Variants in AGBL5 observed in about 807,000 individuals in gnomAD.
The protein encoded by AGBL5 is cytosolic carboxypeptidase-like protein 5.
Under a neutral mutation model 88.0 loss-of-function variants are expected in AGBL5, and 51 were observed. The ratio of observed to expected loss-of-function variants is 0.58; its 90% confidence interval spans 0.46 to 0.73. The LOEUF (loss-of-function observed/expected upper bound fraction) is 0.73. Ranked by LOEUF, AGBL5 falls within the 30% of genes least tolerant of loss-of-function variation. The pLI, the probability that AGBL5 is intolerant of heterozygous loss-of-function variation, is 0.00. For missense variants in AGBL5, 1,031 were observed against 1,162.2 expected (o/e 0.89, Z 1.64); for synonymous variants, 446 against 438.8 (o/e 1.02, Z -0.21).
intron 14 of AGBL5, 163 bp downstream of exon 14, chr2:27,069,869 T>C: frequency 1.0e-6 from 1 of 985,434 alleles, no homozygotes; most frequent in South Asian, 4.7e-5. Flanking sequence ...TCCCCCACCA[T>C]GGCCAAGTCT....
Position 27,053,852 on chromosome 2 carries a change from G to C in AGBL5, c.388-44G>C. 2 of 1,581,584 alleles carry C rather than the reference G, an allele frequency of 1.3e-6. No homozygotes were observed. Among genetic ancestry groups the C allele is most frequent in the Non-Finnish European group, 1.7e-6 (2 of 1,160,272 alleles). ...GTGGTCCCAGTAGGAGCTCAGTTCT[G>C]ACAATGGCATGTTGCCCCTCCCTCT... is the stretch of plus-strand genomic sequence containing the variant. On this transcript the variant is annotated intron_variant, in intron 3 of 14. Coordinates refer to ENST00000360131, the MANE Select transcript of AGBL5 (RefSeq NM_021831.6). This position sits in a 1 kb window ranked among gnomAD's most constrained non-coding sequence, Gnocchi z 4.9.
chr2:27,062,747 GT>G (rs1483956857), intron 11 of AGBL5: 1 of 152,206 alleles, frequency 6.6e-6, no homozygotes, highest in East Asian at 1.9e-4. Context: ...TGAAAAATAG[GT>G]AAGACATAGT....
intron 11 of AGBL5, chr2:27,061,737 T>C (rs1168724202): frequency 1.3e-5 from 2 of 152,250 alleles, no homozygotes; most frequent in African/African-American, 4.8e-5. Flanking sequence ...ATCAGCATCC[T>C]AAGTTCTCCT....
Position 27,053,117 on chromosome 2 carries a change from A to G in AGBL5, c.159A>G (p.Glu53=), listed in dbSNP as rs1668257250. Reference sequence around the variant, plus strand: ...GCATTGCCTCTTCCCCTGACTATGAATTCAACGTGTGGACCCGACCAGACT... The same window carrying G: ...GCATTGCCTCTTCCCCTGACTATGAGTTCAACGTGTGGACCCGACCAGACT... ...TSGIASSPDY[E]FNVWTRPDCA... Residue 53 remains glutamate, a synonymous_variant, in exon 2 of 15, where the codon GAA becomes GAG. Transcript: ENST00000360131. This position sits in a 1 kb window ranked among gnomAD's most constrained non-coding sequence, Gnocchi z 4.9. 1 of 1,612,798 alleles carries G rather than the reference A, an allele frequency of 6.2e-7. No homozygotes were observed.
At chr2:27,069,103 T>C in intron 13 of AGBL5, 3 of 1,341,088 alleles carry the variant, frequency 2.2e-6, no homozygotes, top group Non-Finnish European at 2.9e-6. Flanking sequence ...AGGTAACACA[T>C]TTGGTTGCTG....
intron 12 of AGBL5, 85 bp downstream of exon 12, chr2:27,067,731 G>A (rs779687542): frequency 5.4e-6 from 8 of 1,487,056 alleles, no homozygotes; most frequent in Non-Finnish European, 6.6e-6. Flanking sequence ...TGGGAGACCA[G>A]GGGCATCACT....
At chr2:27,052,662 T>C (rs952869839) in intron 1 of AGBL5, 14 of 240,202 alleles carry the variant, frequency 5.8e-5, no homozygotes, top group Non-Finnish European at 8.7e-5. Flanking sequence ...CACTGAGTTT[T>C]ATTTGGGAAC....
chr2:27,053,104 C>A lies in AGBL5; in HGVS notation c.146C>A (p.Ser49Tyr). ...ASALTSGIAS[S>Y]PDYEFNVWTR... The stretch of plus-strand genomic sequence containing the variant: ...GCCCTGACCAGTGGCATTGCCTCTT[C>A]CCCTGACTATGAATTCAACGTGTGG... The change falls in exon 2 of 15, where the codon TCC (serine) becomes TAC (tyrosine). Residue 49 changes from serine (S) to tyrosine (Y), a missense_variant. Around this residue, in one of 2 missense-constraint regions of AGBL5, gnomAD observed 540 missense variants for 678.2 expected, o/e 0.80. Transcript: ENST00000360131. The surrounding 1 kb of genome is among the most constrained non-coding windows in gnomAD (Gnocchi z 4.9). The A allele has an allele frequency of 6.2e-7, 1 of 1,612,920 alleles. No individual in the cohort carries two copies. Among genetic ancestry groups the A allele is most frequent in the Non-Finnish European group, 8.5e-7 (1 of 1,179,306 alleles).
chr2:27,055,488 A>G (rs1192957885), intron 6 of AGBL5, 194 bp from the exon 7 acceptor site: 1 of 806,704 alleles, frequency 1.2e-6, no homozygotes, highest in Middle Eastern at 3.7e-4. Context: ...TACCCTGAGG[A>G]AGCTCCTTAG....
chr2:27,059,721 A>G (rs976365447), intron 11 of AGBL5, among the ~76,000 whole-genome samples: 9 of 152,168 alleles, frequency 5.9e-5, no homozygotes, highest in Admixed American at 1.3e-4. Flanking sequence ...CGTCACGGAC[A>G]ATGTCAGTCT....
At position 27,053,654 on chromosome 2, in the gene AGBL5, C is replaced by G. The variant is rs879364906; in HGVS notation, c.387+81C>G. 24 of 1,517,784 alleles carry G rather than the reference C, an allele frequency of 1.6e-5. No homozygotes were observed. Among genetic ancestry groups the G allele is most frequent in the East Asian group, 2.3e-5 (1 of 43,884 alleles). The allele number at this position is 1,517,784 out of a possible 1,614,324, so 94.0% of individuals were successfully genotyped here. On this transcript the variant is annotated intron_variant, in intron 3 of 14. Transcript: ENST00000360131. This position sits in a 1 kb window ranked among gnomAD's most constrained non-coding sequence, Gnocchi z 4.9. Reference sequence around the variant, plus strand: ...GTAAAGCGTTTTTTTTTCCTTGATACAAGTATGAAGCAGGTGGGACAACAG... The same window carrying G: ...GTAAAGCGTTTTTTTTTCCTTGATAGAAGTATGAAGCAGGTGGGACAACAG...
upstream of AGBL5, among the ~76,000 whole-genome samples, chr2:27,050,850 G>A (rs957234107): frequency 6.6e-5 from 10 of 152,210 alleles, no homozygotes; most frequent in African/African-American, 2.4e-4. Flanking sequence ...TAGGTCGCTG[G>A]TTCGATTCCG....
Position 27,067,499 on chromosome 2 carries a change from C to T in AGBL5, c.2095C>T (p.Arg699Ter), listed in dbSNP as rs757496484. 5.0e-6 allele frequency: 8 copies of T among 1,613,768 alleles called. No homozygotes were observed. Among genetic ancestry groups the T allele is most frequent in the East Asian group, 2.2e-5 (1 of 44,868 alleles). The part of the protein sequence containing the change: ...HRVLGPVREP[R>*]SQDRRRQQQP... ...CTTGTATCTCTTCCACTCAGAGCCC[C>T]GAAGCCAGGACAGGAGACGGCAGCA... Residue 699 changes from arginine to a stop codon, truncating the protein, a stop_gained, in exon 12 of 15, where the codon CGA (arginine) becomes TGA (stop). Transcript: ENST00000360131. LOFTEE classifies it high-confidence loss of function.
intron 11 of AGBL5, among the ~76,000 whole-genome samples, chr2:27,065,043 C>T (rs60426882): frequency 1.4e-3 from 217 of 152,194 alleles, no homozygotes; most frequent in African/African-American, 5.0e-3. Flanking sequence ...TGTGAGCCAC[C>T]GTGCCTGACC....
chr2:27,058,384 CTG>C lies in AGBL5; in HGVS notation c.1672-15_1672-14del, dbSNP rs745904138. On this transcript the variant is annotated splice_polypyrimidine_tract_variant and intron_variant, in intron 9 of 14. Transcript: ENST00000360131. ...GGGAGGACCAGCATGCTGAGCCAAA[CTG>C]GACTACCCCACAGGTGGGACGAGCT... 6.2e-7 allele frequency: 1 copy of C among 1,612,550 alleles called. No homozygotes were observed. Among genetic ancestry groups the C allele is most frequent in the Non-Finnish European group, 8.5e-7 (1 of 1,180,016 alleles).
rs1323902728 is a variant in AGBL5, at chr2:27,053,106, C to G, written c.148C>G (p.Pro50Ala). 4 of 1,612,940 alleles carry G rather than the reference C, an allele frequency of 2.5e-6. No individual in the cohort carries two copies. Among genetic ancestry groups the G allele is most frequent in the Non-Finnish European group, 3.4e-6 (4 of 1,179,292 alleles). Residue 50 changes from proline to alanine, a missense_variant, in exon 2 of 15, where the codon CCT becomes GCT. Around this residue, in one of 2 missense-constraint regions of AGBL5, gnomAD observed 540 missense variants for 678.2 expected, o/e 0.80. Transcript: ENST00000360131. The surrounding 1 kb of genome is among the most constrained non-coding windows in gnomAD (Gnocchi z 4.9). The stretch of plus-strand genomic sequence containing the variant: ...CCTGACCAGTGGCATTGCCTCTTCC[C>G]CTGACTATGAATTCAACGTGTGGAC... The part of the protein sequence containing the change: ...SALTSGIASS[P>A]DYEFNVWTRP...
intron 11 of AGBL5, among the ~76,000 whole-genome samples, chr2:27,063,956 G>T (rs1668848180): frequency 6.6e-6 from 1 of 152,210 alleles, no homozygotes; most frequent in Non-Finnish European, 1.5e-5. Context: ...ACTCTTGCTT[G>T]TTCTTTCTCA....
At chr2:27,050,911 C>T (rs1553336032), upstream of AGBL5, 2 of 152,172 alleles carry the variant, frequency 1.3e-5, no homozygotes, top group Admixed American at 1.3e-4. Flanking sequence ...TTCAATTATC[C>T]CATAAGGGGA....
At chr2:27,058,916 G>GAC (rs781094946) in intron 10 of AGBL5, among the ~76,000 whole-genome samples, 6 of 152,198 alleles carry the variant, frequency 3.9e-5, no homozygotes, top group African/African-American at 7.2e-5. Flanking sequence ...ATGACTGACT[G>GAC]AAGGGAGTTC....
Sources: gnomAD v4.1 joint callset for allele counts (sites outside exome capture counted in the v4.1 genomes callset) on GRCh38, gnomAD v4.1.1 for gene constraint, gnomAD v4.1.1 regional missense constraint, Gnocchi (gnomAD v3.1) non-coding constraint, MANE v1.5 for transcripts, NCBI Gene and HGNC (gene_info 2026-07-23, HGNC 2026-07-21) for gene names.